The following POLR2B variants were observed in gnomAD, a reference collection of about 807,000 sequenced individuals.
POLR2B encodes the protein RNA polymerase II subunit B.
Under a neutral mutation model 144.6 loss-of-function variants are expected in POLR2B, and 57 were observed. That is an observed-to-expected ratio of 0.39 (90% CI 0.32 to 0.49). The LOEUF (loss-of-function observed/expected upper bound fraction) is 0.49. Among genes scored for constraint, POLR2B ranks in the 20% least tolerant of loss-of-function variants. The pLI, the probability that POLR2B is intolerant of heterozygous loss-of-function variation, is 0.83. For synonymous variants in POLR2B, 442 were observed against 469.8 expected, an observed-to-expected ratio of 0.94 and a Z score of 0.77; for missense variants, 595 against 1,467.4, an observed-to-expected ratio of 0.41 and a Z score of 9.71.
At chr4:57,030,850 G>A in intron 24 of POLR2B, 49 bp from the exon 25 acceptor site, 1 of 1,022,790 alleles carries the variant, frequency 9.8e-7, no homozygotes, top group Non-Finnish European at 1.6e-6. Flanking sequence ...AGAGAAGTGG[G>A]GTCACTTCAA....
intron 10 of POLR2B, among the ~76,000 whole-genome samples, chr4:57,008,575 G>C (rs1416704909): frequency 1.3e-5 from 2 of 152,202 alleles, no homozygotes; most frequent in Non-Finnish European, 2.9e-5. Flanking sequence ...CAGTGATCCT[G>C]ATCTTCAGTA....
chr4:57,030,875 T>C, intron 24 of POLR2B, 24 bp from the exon 25 acceptor site: 1 of 1,433,258 alleles, frequency 7.0e-7, no homozygotes, highest in Non-Finnish European at 9.9e-7. Context: ...ATTCTGCTAA[T>C]TACCATTTGT....
At chr4:57,030,838 G>C in intron 24 of POLR2B, 61 bp from the exon 25 acceptor site, 1 of 915,514 alleles carries the variant, frequency 1.1e-6, no homozygotes, top group Non-Finnish European at 1.8e-6. Flanking sequence ...TTTTTCTGGG[G>C]TAGAGAAGTG....
intron 3 of POLR2B, among the ~76,000 whole-genome samples, chr4:56,992,234 G>T (rs897570046): frequency 2.0e-5 from 3 of 151,726 alleles, no homozygotes; most frequent in Non-Finnish European, 4.4e-5. Context: ...AGGCCGAGGC[G>T]GGCAGATCAC....
chr4:57,002,002 T>G (rs921505986), intron 7 of POLR2B, among the ~76,000 whole-genome samples: 2 of 152,112 alleles, frequency 1.3e-5, no homozygotes, highest in African/African-American at 4.8e-5. Context: ...TGGTTAGATT[T>G]TACTTTCAGA....
chr4:57,026,355 C>T (rs762537409), intron 23 of POLR2B, among the ~76,000 whole-genome samples: 6 of 152,138 alleles, frequency 3.9e-5, no homozygotes, highest in Non-Finnish European at 5.9e-5. Flanking sequence ...GAATTACAGG[C>T]GTGAACCACT....
intron 2 of POLR2B, among the ~76,000 whole-genome samples, chr4:56,990,451 A>G (rs1263063911): frequency 6.6e-6 from 1 of 152,088 alleles, no homozygotes; most frequent in Non-Finnish European, 1.5e-5. Flanking sequence ...AACTCAAGCA[A>G]TCCTCCTGCC....
At chr4:56,985,446 G>T in intron 1 of POLR2B, 1 of 985,226 alleles carries the variant, frequency 1.0e-6, no homozygotes, top group Non-Finnish European at 1.2e-6. Flanking sequence ...GGGCGGCCCC[G>T]ACTTTCGGGC....
Position 57,017,023 on chromosome 4 carries a change from T to C in POLR2B, c.1956-20T>C, listed in dbSNP as rs773782016. 5 of 1,505,368 alleles carry C rather than the reference T, an allele frequency of 3.3e-6. No individual in the cohort carries two copies. The highest frequency in any genetic ancestry group is 1.3e-5 in the South Asian group (1 of 77,628). The allele number at this position is 1,505,368 out of a possible 1,614,324, so 93.3% of individuals were successfully genotyped here. A position where few individuals can be genotyped will look rare whatever the true frequency, so the allele number is the denominator to read the frequency against. ...TTAAAATACTTGAGGAAGTAGAAAA[T>C]TGAGTGAATTCTTTTTTAGTTGGCA... On this transcript the variant is annotated intron_variant, in intron 14 of 24. Transcript: ENST00000314595. The surrounding 1 kb of genome is among the most constrained non-coding windows in gnomAD (Gnocchi z 4.8).
At chr4:57,008,046 T>G (rs1326707548) in intron 10 of POLR2B, among the ~76,000 whole-genome samples, 2 of 152,150 alleles carry the variant, frequency 1.3e-5, no homozygotes, top group Non-Finnish European at 2.9e-5. Context: ...TATTTGATAT[T>G]TGTGATACTG....
At chr4:57,028,442 T>C (rs1560486297) in intron 23 of POLR2B, among the ~76,000 whole-genome samples, 1 of 152,210 alleles carries the variant, frequency 6.6e-6, no homozygotes, top group Non-Finnish European at 1.5e-5. Flanking sequence ...TTGAGGACTT[T>C]CATTTTTTTA....
chr4:57,000,732 G>A (rs934487693), intron 7 of POLR2B, among the ~76,000 whole-genome samples: 42 of 152,108 alleles, frequency 2.8e-4, no homozygotes, highest in African/African-American at 9.2e-4. Context: ...GTCTCACTCC[G>A]TTGCCTAGGC....
chr4:57,010,720 A>G, intron 11 of POLR2B, 28 bp from the exon 12 acceptor site: 1 of 1,549,658 alleles, frequency 6.5e-7, no homozygotes, highest in Middle Eastern at 2.4e-4. Context: ...GTAAAATCAG[A>G]ATGACTAATA....
intron 10 of POLR2B, among the ~76,000 whole-genome samples, chr4:57,009,339 G>A (rs1221295788): frequency 6.6e-6 from 1 of 152,168 alleles, no homozygotes; most frequent in East Asian, 1.9e-4. Flanking sequence ...AGGGTGTATG[G>A]TGATGTCAGT....
intron 23 of POLR2B, among the ~76,000 whole-genome samples, chr4:57,026,651 T>C (rs1456282915): frequency 2.0e-5 from 3 of 151,992 alleles, no homozygotes; most frequent in South Asian, 4.1e-4. Context: ...TAATCCCAGC[T>C]ACTCGGGAGC....
At chr4:57,026,738 G>C (rs1723731732) in intron 23 of POLR2B, among the ~76,000 whole-genome samples, 1 of 136,924 alleles carries the variant, frequency 7.3e-6, no homozygotes, top group Admixed American at 7.1e-5. Flanking sequence ...TCCAGCCTGG[G>C]CGACAGAGTG....
chr4:57,016,168 A>G (rs1337882945), intron 14 of POLR2B, among the ~76,000 whole-genome samples: 1 of 151,686 alleles, frequency 6.6e-6, no homozygotes, highest in Non-Finnish European at 1.5e-5. Flanking sequence ...CCCCGAAAAA[A>G]CTCTGTATCC....
intron 16 of POLR2B, 55 bp from the exon 17 acceptor site, chr4:57,020,844 C>A: frequency 4.4e-6 from 4 of 917,934 alleles, no homozygotes; most frequent in Admixed American, 3.4e-5. Context: ...AAAGAAAGGG[C>A]AGTTTTTCTG....
intron 21 of POLR2B, 27 bp from the exon 22 acceptor site, chr4:57,024,859 T>C (rs1230424299): frequency 1.6e-6 from 2 of 1,240,238 alleles, no homozygotes; most frequent in Middle Eastern, 1.9e-4. Context: ...GAAGCAACAT[T>C]TTAAAGAGTA....
Sources: gnomAD v4.1 joint callset for allele counts (sites outside exome capture counted in the v4.1 genomes callset) on GRCh38, gnomAD v4.1.1 for gene constraint, Gnocchi (gnomAD v3.1) non-coding constraint, MANE v1.5 for transcripts, NCBI Gene and HGNC (gene_info 2026-07-23, HGNC 2026-07-21) for gene names.